KY: variants seen among roughly 807,000 people sequenced by gnomAD.
KY encodes the protein kyphoscoliosis peptidase.
A neutral mutation model predicts 76.1 loss-of-function variants in KY; 43 were observed. That is an observed-to-expected ratio of 0.57 (90% CI 0.44 to 0.73). KY has a LOEUF of 0.73. Ranked by LOEUF, KY falls within the 30% of genes least tolerant of loss-of-function variation. The probability of loss-of-function intolerance (pLI) is 0.00; values close to 1 mark genes in which losing one functional copy is unlikely to be tolerated. For missense variants in KY, 722 were observed against 828.9 expected, an observed-to-expected ratio of 0.87 and a Z score of 1.58; for synonymous variants, 277 against 326.2, an observed-to-expected ratio of 0.85 and a Z score of 1.63.
intron 3 of KY, chr3:134,639,716 CA>C (rs1159359755): frequency 1.6e-4 from 25 of 151,592 alleles, no homozygotes; most frequent in African/African-American, 6.1e-4. Context: ...GAAACTGAGA[CA>C]GGGGGATTGC....
In KY at chr3:134,603,650, C is replaced by T. The variant is rs1048525990; in HGVS notation, c.1915G>A (p.Val639Ile). The T allele has an allele frequency of 5.0e-6, 8 of 1,613,008 alleles. No individual in the cohort carries two copies. The highest frequency in any genetic ancestry group is 1.1e-5 in the South Asian group (1 of 90,938). Residue 639 changes from valine to isoleucine, a missense_variant, in exon 11 of 11, where the codon GTC (valine) becomes ATC (isoleucine). This residue lies in a region of KY where 552 missense variants were observed against 680.9 expected (regional missense o/e 0.81). Transcript: ENST00000423778. ...TGGTTGGCATTCTCCAGCACCATGA[C>T]ATAGACTTCCTGGCAGCCAGCTGTG... ...CSTAGCQEVY[V>I]MVLENANHNF...
At chr3:134,608,604 G>A (rs1275988126) in intron 10 of KY, 45 bp downstream of exon 10, 3 of 1,613,824 alleles carry the variant, frequency 1.9e-6, no homozygotes, top group Non-Finnish European at 2.5e-6. Flanking sequence ...AGTGCGAAAT[G>A]CTCCATTCCT....
chr3:134,608,285 T>G lies in KY; in HGVS notation c.1090+364A>C. The G allele has an allele frequency of 2.1e-5, 26 of 1,213,242 alleles. No homozygotes were observed. The South Asian group carries it at 3.4e-4, about 16-fold the overall frequency. The allele number at this position is 1,213,242 out of a possible 1,614,324, so 75.2% of individuals were successfully genotyped here. A position where few individuals can be genotyped will look rare whatever the true frequency, so the allele number is the denominator to read the frequency against. On this transcript the variant is annotated intron_variant, in intron 10 of 10. Transcript: ENST00000423778. ...TAGTCCTTTTCCCTGCTATGTGAAC[T>G]GAGAGAGACTCACCCAGCTAGGAAG... is the stretch of plus-strand genomic sequence containing the variant.
intron 2 of KY, among the ~76,000 whole-genome samples, chr3:134,645,451 A>G (rs1966325070): frequency 6.6e-6 from 1 of 152,162 alleles, no homozygotes; most frequent in South Asian, 2.1e-4. Context: ...TCCAGTTACC[A>G]GGGCTGGGCG....
intron 8 of KY, among the ~76,000 whole-genome samples, 190 bp downstream of exon 8, chr3:134,618,958 A>G (rs1246596607): frequency 6.6e-6 from 1 of 152,214 alleles, no homozygotes; most frequent in Admixed American, 6.5e-5. Context: ...GAAGCCCGGC[A>G]GATGGTACAA....
Position 134,603,553 on chromosome 3 carries a change from G to C in KY, c.*26C>G. On this transcript the variant is annotated 3_prime_UTR_variant, in exon 11 of 11. Transcript: ENST00000423778. ...TGGGGAGGTCTGGCCTTGGCCCTTT[G>C]GGAGGGTAAGACCGGGGCACAGCCC... 6.5e-7 allele frequency: 1 copy of C among 1,543,708 alleles called. No individual in the cohort carries two copies. Among genetic ancestry groups the C allele is most frequent in the Middle Eastern group, 1.8e-4 (1 of 5,666 alleles).
intron 3 of KY, among the ~76,000 whole-genome samples, chr3:134,632,421 C>A (rs1964356258): frequency 6.6e-6 from 1 of 151,700 alleles, no homozygotes; most frequent in Non-Finnish European, 1.5e-5. Context: ...TCCTCTTTGA[C>A]CAAAATGAAC....
In KY at chr3:134,620,741, G is replaced by C. The variant is rs1962463139; in HGVS notation, c.592+8C>G. The C allele has an allele frequency of 1.9e-6, 3 of 1,605,674 alleles. No individual in the cohort carries two copies. The highest frequency in any genetic ancestry group is 1.7e-5 in the Admixed American group (1 of 59,768). On this transcript the variant is annotated splice_region_variant and intron_variant, in intron 7 of 10. Transcript: ENST00000423778. ...TTCTAGAGCCAGAAATTCCACAGGG[G>C]GGCCTACCTATGTGATGGCAGATCC...
intron 9 of KY, among the ~76,000 whole-genome samples, chr3:134,609,753 C>T (rs916742940): frequency 5.3e-5 from 8 of 152,168 alleles, no homozygotes; most frequent in African/African-American, 9.7e-5. Flanking sequence ...AAATGTGATA[C>T]GGTCTCACTC....
intron 8 of KY, among the ~76,000 whole-genome samples, chr3:134,611,185 C>T (rs6779326): frequency 0.63 from 95,428 of 152,148 alleles, 30,395 homozygotes; most frequent in East Asian, 0.87. Flanking sequence ...TCAACCTGAG[C>T]TTTGGGGTCC....
chr3:134,626,721 G>A (rs1374365257), intron 5 of KY, among the ~76,000 whole-genome samples: 2 of 152,210 alleles, frequency 1.3e-5, no homozygotes, highest in Non-Finnish European at 2.9e-5. Context: ...CATGGTTTGA[G>A]AGGCAATGCC....
At chr3:134,616,938 A>G (rs1332306457) in intron 8 of KY, among the ~76,000 whole-genome samples, 2 of 152,216 alleles carry the variant, frequency 1.3e-5, no homozygotes, top group African/African-American at 4.8e-5. Flanking sequence ...TCTCCAATAT[A>G]TAGATGAGAG....
At chr3:134,647,382 G>T in intron 2 of KY, 53 bp downstream of exon 2, 2 of 1,337,718 alleles carry the variant, frequency 1.5e-6, no homozygotes, top group Non-Finnish European at 2.1e-6. Flanking sequence ...AATTCTTCCA[G>T]TTATTATTCA....
chr3:134,641,778 A>C (rs1236687283), intron 3 of KY, among the ~76,000 whole-genome samples: 3 of 151,942 alleles, frequency 2.0e-5, no homozygotes, highest in Non-Finnish European at 4.4e-5. Context: ...CTTCCCCCTT[A>C]TACCTTATCT....
chr3:134,613,417 C>T lies in KY; in HGVS notation c.711-3034G>A, dbSNP rs116387959. ...CCTGCCCCAGCCCTGGAAAGGAGAGCAGGAGGAAGAAGCAAGGGGCAGGGA... is the reference window on the plus strand; with the variant it reads ...CCTGCCCCAGCCCTGGAAAGGAGAGTAGGAGGAAGAAGCAAGGGGCAGGGA... On this transcript the variant is annotated intron_variant, in intron 8 of 10. Transcript: ENST00000423778. Among the ~76,000 whole-genome samples, 730 of 152,298 alleles carry T rather than the reference C, an allele frequency of 4.8e-3. 7 individuals are homozygous for T. Among genetic ancestry groups the T allele is most frequent in the African/African-American group, 0.017 (692 of 41,560 alleles).
Position 134,620,872 on chromosome 3 carries a change from G to T in KY, c.484-15C>A, listed in dbSNP as rs368064602. 8.9e-6 allele frequency: 14 copies of T among 1,565,666 alleles called. No homozygotes were observed. Among genetic ancestry groups the T allele is most frequent in the Non-Finnish European group, 1.2e-5 (14 of 1,140,224 alleles). On this transcript the variant is annotated splice_polypyrimidine_tract_variant and intron_variant, in intron 6 of 10. Coordinates refer to ENST00000423778, the MANE Select transcript of KY (RefSeq NM_178554.6). ...TTGGCTGTCACCTGGGGAGCAGGAA[G>T]GGTGTGCTGTATTAGGGCCTCGAGG...
At chr3:134,629,421 GA>G in intron 4 of KY, 199 bp downstream of exon 4, 1 of 557,910 alleles carries the variant, frequency 1.8e-6, no homozygotes, top group Non-Finnish European at 3.2e-6. Flanking sequence ...TAGTTCCAGA[GA>G]TGCAAAATCA....
chr3:134,626,297 G>T (rs1577702225), intron 5 of KY, among the ~76,000 whole-genome samples: 2 of 152,326 alleles, frequency 1.3e-5, no homozygotes, highest in South Asian at 4.1e-4. Flanking sequence ...AGTCTGGGAA[G>T]AGTAGGGCTA....
intron 5 of KY, 27 bp from the exon 6 acceptor site, chr3:134,625,162 C>T (rs1259113373): frequency 6.4e-7 from 1 of 1,565,328 alleles, no homozygotes. Context: ...CCTTGGTCAG[C>T]AGCTGAGACC....
Sources: allele counts gnomAD v4.1 joint callset (sites outside exome capture counted in the v4.1 genomes callset), GRCh38; gene constraint gnomAD v4.1.1; regional missense constraint gnomAD v4.1.1; transcripts MANE v1.5; gene names NCBI Gene and HGNC (gene_info 2026-07-23, HGNC 2026-07-21).